The following MIPOL1 variants were observed in gnomAD, a reference collection of about 807,000 sequenced individuals.
MIPOL1 encodes the protein mirror-image polydactyly 1, also known as mirror-image polydactyly gene 1 protein.
In MIPOL1, 57 loss-of-function variants were observed where a neutral mutation model predicts 60.9. That is an observed-to-expected ratio of 0.94 (90% CI 0.76 to 1.17). MIPOL1 has a LOEUF of 1.17. Ranked by LOEUF, MIPOL1 falls within the 50% of genes most tolerant of loss-of-function variation. The probability of loss-of-function intolerance (pLI) is 0.00; values close to 1 mark genes in which losing one functional copy is unlikely to be tolerated. For missense variants in MIPOL1, 551 were observed against 511.6 expected (o/e 1.08, Z -0.74); for synonymous variants, 179 against 168.8 (o/e 1.06, Z -0.47).
intron 11 of MIPOL1, among the ~76,000 whole-genome samples, chr14:37,439,980 A>G (rs2094216709): frequency 6.6e-6 from 1 of 152,136 alleles, no homozygotes; most frequent in Non-Finnish European, 1.5e-5. Context: ...AGCTGGGACT[A>G]CAAGCTCACG....
chr14:37,220,449 G>A (rs867647423), intron 1 of MIPOL1, among the ~76,000 whole-genome samples: 1 of 152,118 alleles, frequency 6.6e-6, no homozygotes, highest in Admixed American at 6.6e-5. Flanking sequence ...GTAAATTGAA[G>A]CCACTTCCTT....
intron 3 of MIPOL1, among the ~76,000 whole-genome samples, chr14:37,254,717 G>A (rs1974645648): frequency 6.6e-6 from 1 of 151,648 alleles, no homozygotes; most frequent in African/African-American, 2.4e-5. Flanking sequence ...AATTTATAAT[G>A]TTTTAAATCA....
chr14:37,516,112 C>T (rs1268806805), intron 12 of MIPOL1, among the ~76,000 whole-genome samples: 1 of 152,168 alleles, frequency 6.6e-6, no homozygotes, highest in Non-Finnish European at 1.5e-5. Flanking sequence ...TCACCTCCAG[C>T]CTTGTCTATT....
intron 10 of MIPOL1, among the ~76,000 whole-genome samples, chr14:37,380,999 T>C (rs1353916156): frequency 6.6e-6 from 1 of 152,122 alleles, no homozygotes; most frequent in East Asian, 1.9e-4. Flanking sequence ...AAACGCTCTA[T>C]ATCGTCTATT....
At chr14:37,408,510 G>T (rs2093629735) in intron 10 of MIPOL1, among the ~76,000 whole-genome samples, 1 of 152,056 alleles carries the variant, frequency 6.6e-6, no homozygotes, top group Non-Finnish European at 1.5e-5. Flanking sequence ...TGTACCTATA[G>T]TCCCGGCTAC....
At chr14:37,397,576 T>C (rs2153526766) in intron 10 of MIPOL1, among the ~76,000 whole-genome samples, 1 of 152,244 alleles carries the variant, frequency 6.6e-6, no homozygotes, top group South Asian at 2.1e-4. Context: ...ATGCCCTTTG[T>C]CTTCAGCTAC....
At position 37,213,502 on chromosome 14, in the gene MIPOL1, T is replaced by G. The variant is rs117862102; in HGVS notation, c.-199+15398T>G. Among the ~76,000 whole-genome samples, 472 of 152,134 alleles carry G rather than the reference T, an allele frequency of 3.1e-3. 15 individuals carry two copies. The East Asian group carries it at 0.074, about 24-fold the overall frequency. The stretch of plus-strand genomic sequence containing the variant: ...AGTTAGTGATCTTGAAGACAGGATA[T>G]TTGAAAATACACAGTCAGAAAAGAC... On this transcript the variant is annotated intron_variant, in intron 1 of 12. Transcript: ENST00000684589.
intron 11 of MIPOL1, among the ~76,000 whole-genome samples, chr14:37,466,819 A>C (rs1192771862): frequency 6.6e-6 from 1 of 152,214 alleles, no homozygotes; most frequent in Non-Finnish European, 1.5e-5. Context: ...TTAGAACTGA[A>C]CATGTTTACA....
chr14:37,208,386 G>A (rs1300648665), intron 1 of MIPOL1, among the ~76,000 whole-genome samples: 2 of 151,640 alleles, frequency 1.3e-5, no homozygotes, highest in South Asian at 2.1e-4. Context: ...AACAAGTTTT[G>A]GAAAGCAGAA....
intron 12 of MIPOL1, chr14:37,504,241 C>A (rs531153740): frequency 6.6e-6 from 1 of 152,264 alleles, no homozygotes; most frequent in African/African-American, 2.4e-5. Context: ...GAACTCAGCT[C>A]GGCACCAAGC....
chr14:37,481,263 C>T (rs1369645887), intron 11 of MIPOL1, among the ~76,000 whole-genome samples: 1 of 151,980 alleles, frequency 6.6e-6, no homozygotes. Context: ...GAGAACAATC[C>T]CATTTGCAAT....
rs1181837613 is a variant in MIPOL1, at chr14:37,548,608, A to C, written c.*1637A>C. On this transcript the variant is annotated 3_prime_UTR_variant, in exon 13 of 13. Transcript: ENST00000684589. ...AAACGTGTAACAGCTCCCTATGTGA[A>C]GAAACATTATCTTTAAAGTCATCTG... is the stretch of plus-strand genomic sequence containing the variant. 6.6e-6 allele frequency: 1 copy of C among 151,964 alleles called. No homozygotes were observed. The highest frequency in any genetic ancestry group is 1.5e-5 in the Non-Finnish European group (1 of 67,856). 9.4% of individuals were successfully genotyped at this position (151,964 alleles called of 1,614,324 possible). A position where few individuals can be genotyped will look rare whatever the true frequency, so the allele number is the denominator to read the frequency against.
intron 11 of MIPOL1, among the ~76,000 whole-genome samples, chr14:37,487,167 G>A (rs2094960794): frequency 6.6e-6 from 1 of 152,034 alleles, no homozygotes; most frequent in South Asian, 2.1e-4. Flanking sequence ...AACCATCCTT[G>A]CATCCCAGGG....
intron 9 of MIPOL1, among the ~76,000 whole-genome samples, chr14:37,332,156 C>T (rs571775342): frequency 6.6e-6 from 1 of 150,740 alleles, no homozygotes; most frequent in Admixed American, 6.6e-5. Context: ...AAGGCACTTT[C>T]AGTTTTTTCC....
At chr14:37,327,771 A>G (rs973353485) in intron 9 of MIPOL1, among the ~76,000 whole-genome samples, 3 of 152,188 alleles carry the variant, frequency 2.0e-5, no homozygotes, top group African/African-American at 7.2e-5. Context: ...TCCTTTTTAA[A>G]AGAAACTATT....
At chr14:37,266,791 A>C in intron 3 of MIPOL1, 147 bp from the exon 4 acceptor site, 1 of 645,172 alleles carries the variant, frequency 1.5e-6, no homozygotes. Context: ...ACTTATCCCA[A>C]TGCTTATCTG....
chr14:37,234,588 G>A (rs1187398798), intron 1 of MIPOL1, among the ~76,000 whole-genome samples: 6 of 151,942 alleles, frequency 3.9e-5, no homozygotes, highest in Admixed American at 3.9e-4. Context: ...TCCTGTCTTA[G>A]CCTCCCAGAG....
intron 6 of MIPOL1, among the ~76,000 whole-genome samples, chr14:37,284,164 A>G (rs529165979): frequency 1.3e-5 from 2 of 152,310 alleles, no homozygotes; most frequent in East Asian, 3.9e-4. Flanking sequence ...ATTAAAATCT[A>G]TATCAACAGT....
intron 11 of MIPOL1, chr14:37,434,364 A>T (rs2094128774): frequency 6.6e-6 from 1 of 151,926 alleles, no homozygotes; most frequent in Non-Finnish European, 1.5e-5. Context: ...TCCTTCGCTC[A>T]TTTTTTGATG....
Sources: allele counts gnomAD v4.1 joint callset (sites outside exome capture counted in the v4.1 genomes callset), GRCh38; gene constraint gnomAD v4.1.1; transcripts MANE v1.5; gene names NCBI Gene and HGNC (gene_info 2026-07-23, HGNC 2026-07-21).